TACR1: variants seen among roughly 807,000 people sequenced by gnomAD.
The protein encoded by TACR1 is substance-P receptor.
Under a neutral mutation model 35.8 loss-of-function variants are expected in TACR1, and 25 were observed. The observed-to-expected ratio is 0.70, with a 90% CI of 0.51 to 0.98. The LOEUF is 0.98. Ranked by LOEUF, TACR1 falls within the 50% of genes least tolerant of loss-of-function variation. TACR1 has a pLI of 0.00. For synonymous variants in TACR1, 195 were observed against 206.7 expected, an observed-to-expected ratio of 0.94 and a Z score of 0.48; for missense variants, 478 against 522.9, an observed-to-expected ratio of 0.91 and a Z score of 0.84.
intron 1 of TACR1, among the ~76,000 whole-genome samples, chr2:75,129,037 C>G (rs1674131772): frequency 6.6e-6 from 1 of 152,028 alleles, no homozygotes. Context: ...AGAAATTTGA[C>G]TGGGGAGGTG....
At chr2:75,183,864 CA>C (rs1375579952) in intron 1 of TACR1, among the ~76,000 whole-genome samples, 1 of 152,128 alleles carries the variant, frequency 6.6e-6, no homozygotes, top group East Asian at 1.9e-4. Flanking sequence ...AAAGGCTCAG[CA>C]AAAGTCCTGT....
intron 2 of TACR1, among the ~76,000 whole-genome samples, chr2:75,109,590 T>G (rs1402928149): frequency 2.6e-5 from 4 of 152,196 alleles, no homozygotes; most frequent in African/African-American, 9.7e-5. Context: ...CATATTTGTT[T>G]TTAAACGAGA....
At chr2:75,073,535 C>T (rs1404370091) in intron 2 of TACR1, among the ~76,000 whole-genome samples, 4 of 152,020 alleles carry the variant, frequency 2.6e-5, no homozygotes, top group Admixed American at 2.0e-4. Flanking sequence ...GGCACCAAGG[C>T]CAAAGAGGGA....
chr2:75,066,446 A>T (rs1672763274), intron 2 of TACR1, among the ~76,000 whole-genome samples: 1 of 152,250 alleles, frequency 6.6e-6, no homozygotes, highest in African/African-American at 2.4e-5. Flanking sequence ...CAAATACGTC[A>T]AGCACAAAAA....
At chr2:75,159,839 G>T (rs1257129475) in intron 1 of TACR1, among the ~76,000 whole-genome samples, 1 of 152,088 alleles carries the variant, frequency 6.6e-6, no homozygotes, top group Admixed American at 6.5e-5. Context: ...GTGCATTCTG[G>T]GAGTTATATT....
chr2:75,152,045 A>G (rs1340063550), intron 1 of TACR1, among the ~76,000 whole-genome samples: 1 of 152,114 alleles, frequency 6.6e-6, no homozygotes, highest in Non-Finnish European at 1.5e-5. Flanking sequence ...CTGTACCCCC[A>G]TTGTGTCTAG....
chr2:75,116,218 C>T (rs886143627), intron 2 of TACR1, among the ~76,000 whole-genome samples: 4 of 152,128 alleles, frequency 2.6e-5, no homozygotes, highest in African/African-American at 7.2e-5. Context: ...GATCCTCCCA[C>T]CTCAGCCTCC....
intron 2 of TACR1, among the ~76,000 whole-genome samples, chr2:75,120,072 T>C (rs1328545522): frequency 6.6e-6 from 1 of 152,110 alleles, no homozygotes; most frequent in East Asian, 1.9e-4. Context: ...TTGTTCTTTT[T>C]TTTTGGCAGT....
intron 2 of TACR1, among the ~76,000 whole-genome samples, chr2:75,061,689 G>T (rs1672677103): frequency 6.6e-6 from 1 of 152,134 alleles, no homozygotes; most frequent in South Asian, 2.1e-4. Flanking sequence ...GTGATGGGGT[G>T]ACCAATCAAG....
intron 2 of TACR1, among the ~76,000 whole-genome samples, chr2:75,058,520 C>G (rs939679923): frequency 2.6e-5 from 4 of 152,184 alleles, no homozygotes. Flanking sequence ...ATAACAGCAA[C>G]AGCAAGAGAC....
intron 1 of TACR1, among the ~76,000 whole-genome samples, chr2:75,178,136 C>G (rs1000071029): frequency 1.3e-5 from 2 of 152,070 alleles, no homozygotes; most frequent in Non-Finnish European, 2.9e-5. Flanking sequence ...AACCTTTGCT[C>G]CTACATTCAT....
chr2:75,094,851 ATATATATATTT>A (rs1673383926), intron 2 of TACR1, among the ~76,000 whole-genome samples: 1 of 88,864 alleles, frequency 1.1e-5, no homozygotes, highest in South Asian at 3.8e-4. Flanking sequence ...ATATATATAT[ATATATATATTT>A]TTTTTTTTTT....
chr2:75,096,519 T>C (rs1673428591), intron 2 of TACR1, among the ~76,000 whole-genome samples: 1 of 152,350 alleles, frequency 6.6e-6, no homozygotes, highest in Non-Finnish European at 1.5e-5. Flanking sequence ...ATTCTTAATA[T>C]AAGATTGGAT....
At chr2:75,154,176 T>C (rs1280580575) in intron 1 of TACR1, among the ~76,000 whole-genome samples, 46 of 152,084 alleles carry the variant, frequency 3.0e-4, no homozygotes, top group African/African-American at 1.0e-3. Context: ...TCCCGGCTCC[T>C]GGCTCCCTCG....
rs562187251 is a variant in TACR1 at position 75,171,403 on chromosome 2, G to A, written c.389+27143C>T. Among the ~76,000 whole-genome samples, 40 of 152,306 alleles carry A rather than the reference G, an allele frequency of 2.6e-4. No homozygotes were observed. The South Asian group carries it at 3.5e-3, about 13-fold the overall frequency. On this transcript the variant is annotated intron_variant, in intron 1 of 4. Transcript: ENST00000305249. ...TGTCCAGGCCGAGGTGTGCTGCAGG[G>A]GTGAGCCCTCATAGAGAACCTCTAC... is the stretch of plus-strand genomic sequence containing the variant.
At chr2:75,137,265 TAGAA>T (rs1460760929) in intron 1 of TACR1, among the ~76,000 whole-genome samples, 7 of 152,318 alleles carry the variant, frequency 4.6e-5, no homozygotes, top group East Asian at 1.9e-4. Flanking sequence ...TATTTTCTAA[TAGAA>T]AGAACAGCTT....
intron 2 of TACR1, chr2:75,090,974 A>T (rs1673297423): frequency 6.6e-6 from 1 of 152,218 alleles, no homozygotes. Context: ...CCACCTAGCT[A>T]AGCTTCCAGC....
intron 1 of TACR1, among the ~76,000 whole-genome samples, chr2:75,168,892 C>G (rs574904646): frequency 1.4e-4 from 22 of 152,228 alleles, no homozygotes; most frequent in African/African-American, 4.6e-4. Context: ...TCACCAGAGA[C>G]TTTTTCCCCT....
chr2:75,131,470 T>C (rs918425745), intron 1 of TACR1, among the ~76,000 whole-genome samples: 1 of 152,190 alleles, frequency 6.6e-6, no homozygotes, highest in Non-Finnish European at 1.5e-5. Flanking sequence ...GTTGTGAATG[T>C]TATCATGGGT....
Sources: gnomAD v4.1 joint callset for allele counts (sites outside exome capture counted in the v4.1 genomes callset) on GRCh38, gnomAD v4.1.1 for gene constraint, MANE v1.5 for transcripts, NCBI Gene and HGNC (gene_info 2026-07-23, HGNC 2026-07-21) for gene names.